Variants in CFAP47 observed in about 807,000 individuals in gnomAD.
CFAP47 encodes the protein cilia- and flagella-associated protein 47.
In CFAP47, 29 loss-of-function variants were observed where a neutral mutation model predicts 148.1. The ratio of observed to expected loss-of-function variants is 0.20; its 90% CI spans 0.15 to 0.27. The LOEUF (loss-of-function observed/expected upper bound fraction) is 0.27. Ranked by LOEUF, CFAP47 falls within the 10% of genes least tolerant of loss-of-function variation. The pLI, the probability that CFAP47 is intolerant of heterozygous loss-of-function variation, is 1.00. For synonymous variants in CFAP47, 664 were observed against 577.3 expected (o/e 1.15, Z -2.15); for missense variants, 1,872 against 1,697.5 (o/e 1.10, Z -1.81).
intron 49 of CFAP47, among the ~76,000 whole-genome samples, chrX:36,254,750 G>A (rs1315646928): frequency 9.0e-6 from 1 of 111,319 alleles, no homozygotes; most frequent in Non-Finnish European, 1.9e-5. Context: ...GAAAACTGAG[G>A]GACCTCACTG....
intron 33 of CFAP47, 43 bp from the exon 34 acceptor site, chrX:36,137,915 G>A: frequency 3.8e-6 from 2 of 524,361 alleles, no homozygotes; most frequent in East Asian, 3.7e-5. Flanking sequence ...TTTTAATAAA[G>A]TAAAACTATT....
At chrX:36,134,117 T>C (rs1938998724) in intron 33 of CFAP47, among the ~76,000 whole-genome samples, 1 of 110,884 alleles carries the variant, frequency 9.0e-6, no homozygotes, top group African/African-American at 3.3e-5. Context: ...TATAACAAAA[T>C]AAATTAGAGA....
At chrX:36,034,732 A>G (rs1301011994) in intron 23 of CFAP47, among the ~76,000 whole-genome samples, 1 of 110,716 alleles carries the variant, frequency 9.0e-6, no homozygotes, top group Non-Finnish European at 1.9e-5. Context: ...GTACTACCAA[A>G]TGTTCCAGGC....
At chrX:36,032,536 A>G (rs369935332) in intron 23 of CFAP47, among the ~76,000 whole-genome samples, 1 of 111,163 alleles carries the variant, frequency 9.0e-6, no homozygotes, top group Non-Finnish European at 1.9e-5. Flanking sequence ...AGATATATAT[A>G]TTTTGCTTAA....
chrX:36,033,363 C>G (rs1449421761), intron 23 of CFAP47, among the ~76,000 whole-genome samples: 1 of 110,921 alleles, frequency 9.0e-6, no homozygotes, highest in Non-Finnish European at 1.9e-5. Context: ...ATCATTTTGA[C>G]AAAAATATAA....
intron 48 of CFAP47, among the ~76,000 whole-genome samples, chrX:36,250,522 C>A (rs1167508100): frequency 2.7e-5 from 3 of 110,084 alleles, no homozygotes; most frequent in African/African-American, 9.9e-5. Flanking sequence ...ATAATTATAA[C>A]AACGTACTGT....
chrX:36,242,817 G>A (rs1940562105), intron 48 of CFAP47, among the ~76,000 whole-genome samples: 1 of 111,404 alleles, frequency 9.0e-6, no homozygotes, highest in Non-Finnish European at 1.9e-5. Context: ...GCAAATTAAA[G>A]AAATACAGAG....
chrX:36,049,345 T>C (rs1211185786), intron 26 of CFAP47, among the ~76,000 whole-genome samples: 1 of 110,546 alleles, frequency 9.0e-6, no homozygotes, highest in Non-Finnish European at 1.9e-5. Context: ...TTAAATACCA[T>C]TTAGACTATA....
At chrX:36,177,469 G>C (rs891256158) in intron 39 of CFAP47, among the ~76,000 whole-genome samples, 2 of 111,550 alleles carry the variant, frequency 1.8e-5, no homozygotes, top group Non-Finnish European at 3.8e-5. Context: ...ATTTAGATGA[G>C]AATTTAGAAT....
intron 26 of CFAP47, among the ~76,000 whole-genome samples, chrX:36,054,429 A>G (rs1213229863): frequency 3.6e-5 from 4 of 112,281 alleles, no homozygotes; most frequent in Non-Finnish European, 1.9e-5. Flanking sequence ...AATAATGTGT[A>G]CAATTAAATT....
At chrX:36,239,076 A>G (rs1940508686) in intron 48 of CFAP47, among the ~76,000 whole-genome samples, 1 of 112,462 alleles carries the variant, frequency 8.9e-6, no homozygotes, top group South Asian at 3.6e-4. Flanking sequence ...CCTCTTTAAC[A>G]TGAAAGAGAA....
At chrX:36,229,123 C>G (rs781839330) in intron 46 of CFAP47, among the ~76,000 whole-genome samples, 1 of 111,627 alleles carries the variant, frequency 9.0e-6, no homozygotes, top group Non-Finnish European at 1.9e-5. Flanking sequence ...TCACTCTACT[C>G]TAAATTCTGT....
At chrX:36,139,910 ATT>A (rs201592531) in intron 35 of CFAP47, among the ~76,000 whole-genome samples, 1 of 108,826 alleles carries the variant, frequency 9.2e-6, no homozygotes, top group Non-Finnish European at 1.9e-5. Flanking sequence ...CTTTTCATTT[ATT>A]TTTTTTTGGT....
intron 57 of CFAP47, among the ~76,000 whole-genome samples, chrX:36,338,584 A>T (rs1941627684): frequency 9.0e-6 from 1 of 111,143 alleles, no homozygotes; most frequent in Non-Finnish European, 1.9e-5. Context: ...TTCTCCCTTT[A>T]TTCTTCTTCT....
At chrX:36,057,389 G>T in intron 26 of CFAP47, among the ~76,000 whole-genome samples, 1 of 111,356 alleles carries the variant, frequency 9.0e-6, no homozygotes, top group Non-Finnish European at 1.9e-5. Flanking sequence ...CATTTTGATG[G>T]AATAAATATT....
chrX:35,948,800 CGT>C (rs1365183029), intron 4 of CFAP47, among the ~76,000 whole-genome samples: 11 of 84,917 alleles, frequency 1.3e-4, no homozygotes, highest in Non-Finnish European at 1.6e-4. Flanking sequence ...TGTGTGTGTG[CGT>C]GTGTGTGTGT....
intron 39 of CFAP47, among the ~76,000 whole-genome samples, chrX:36,164,551 A>T (rs778006062): frequency 1.8e-5 from 2 of 111,419 alleles, no homozygotes; most frequent in African/African-American, 6.5e-5. Flanking sequence ...TTATCTTTCA[A>T]TCTAAAGTAT....
chrX:36,383,396 A>G (rs374188410), intron 63 of CFAP47, among the ~76,000 whole-genome samples: 1 of 111,481 alleles, frequency 9.0e-6, no homozygotes, highest in East Asian at 2.8e-4. Context: ...TCAGTAACTC[A>G]GGCATTAGTA....
chrX:36,376,469 G>A (rs782333541), intron 62 of CFAP47, among the ~76,000 whole-genome samples: 1 of 110,943 alleles, frequency 9.0e-6, no homozygotes, highest in African/African-American at 3.3e-5. Flanking sequence ...TGTAAAGTCA[G>A]AACATTGGAT....
Sources: allele counts gnomAD v4.1 joint callset (sites outside exome capture counted in the v4.1 genomes callset), GRCh38; gene constraint gnomAD v4.1.1; transcripts MANE v1.5; gene names NCBI Gene and HGNC (gene_info 2026-07-23, HGNC 2026-07-21).